ZNF101: variants seen among roughly 807,000 people sequenced by gnomAD.
ZNF101 encodes zinc finger protein 101.
Under a neutral mutation model 42.6 loss-of-function variants are expected in ZNF101, and 34 were observed. The observed-to-expected ratio is 0.80, with a 90% CI of 0.61 to 1.06. The LOEUF is 1.06. Among genes scored for constraint, ZNF101 ranks in the 50% least tolerant of loss-of-function variants. ZNF101 has a pLI of 0.00. For synonymous variants in ZNF101, 158 were observed against 183.9 expected (o/e 0.86, Z 1.14); for missense variants, 466 against 530.9 (o/e 0.88, Z 1.20).
At position 19,679,730 on chromosome 19, in the gene ZNF101, C is replaced by T. The variant is rs1426126897; in HGVS notation, c.741C>T (p.His247=). 3.1e-6 allele frequency: 5 copies of T among 1,614,002 alleles called. No homozygotes were observed. Among genetic ancestry groups the T allele is most frequent in the African/African-American group, 1.3e-5 (1 of 74,928 alleles). ...PSLFQIHVRT[H]TGEKPYKCKQ... is the part of the protein sequence containing the mutation. Reference sequence around the variant, plus strand: ...TATTTCAAATTCATGTTAGAACTCACACTGGAGAAAAACCTTACAAATGTA... The same window carrying T: ...TATTTCAAATTCATGTTAGAACTCATACTGGAGAAAAACCTTACAAATGTA... The change falls in exon 4 of 4, where the codon CAC becomes CAT. Residue 247 remains histidine (H), a synonymous_variant. Coordinates refer to ENST00000592502, the MANE Select transcript of ZNF101 (RefSeq NM_033204.4).
At chr19:19,672,686 C>T (rs2145046562) in intron 1 of ZNF101, among the ~76,000 whole-genome samples, 1 of 151,640 alleles carries the variant, frequency 6.6e-6, no homozygotes, top group Non-Finnish European at 1.5e-5. Flanking sequence ...CCACCACGCC[C>T]AGCCAATTTT....
intron 1 of ZNF101, among the ~76,000 whole-genome samples, chr19:19,669,810 T>C (rs2062157664): frequency 6.6e-6 from 1 of 152,138 alleles, no homozygotes; most frequent in South Asian, 2.1e-4. Flanking sequence ...TGTCATCTTT[T>C]CCAAGGAGCC....
In ZNF101 at chr19:19,671,479, T is replaced by A. The variant is rs568334459; in HGVS notation, c.3+2513T>A. On this transcript the variant is annotated intron_variant, in intron 1 of 3. Transcript: ENST00000592502. ...CCAGAGTTGCTGCCCGTAATATTAA[T>A]ACCATCACCTTAGGTGTTAGGATTT... Among the ~76,000 whole-genome samples the A allele has an allele frequency of 6.1e-4, 92 of 151,960 alleles. 3 individuals are homozygous for A. In the South Asian group the frequency reaches 0.019, roughly 32 times the overall value.
chr19:19,677,923 G>A lies in ZNF101; in HGVS notation c.63G>A (p.Leu21=). The change falls in exon 2 of 4, where the codon CTG becomes CTA. Residue 21 remains leucine (L), a synonymous_variant. Transcript: ENST00000592502. ...TCACCCAGGAGGAGTGGGCTTTGCT[G>A]AGTCCTTCCCAGAAGAATCTCTACA... ...VNFTQEEWAL[L]SPSQKNLYRD... is the part of the protein sequence containing the mutation. 6.2e-7 allele frequency: 1 copy of A among 1,612,816 alleles called. No homozygotes were observed.
chr19:19,673,248 CTTTTTT>C (rs34694853), intron 1 of ZNF101, among the ~76,000 whole-genome samples: 3 of 116,132 alleles, frequency 2.6e-5, no homozygotes, highest in Admixed American at 9.5e-5. Context: ...AATGTGCTGG[CTTTTTT>C]TTTTTTTTTT....
chr19:19,669,109 G>C (rs1303549710), intron 1 of ZNF101, 143 bp downstream of exon 1: 6 of 1,240,486 alleles, frequency 4.8e-6, no homozygotes, highest in Non-Finnish European at 6.5e-6. Context: ...GGTCCCCTCG[G>C]TCGCCGGGTG....
chr19:19,681,868 T>C lies in ZNF101; in HGVS notation c.*1568T>C, dbSNP rs1468185314. 2.6e-5 allele frequency: 4 copies of C among 152,066 alleles called. No individual in the cohort carries two copies. The highest frequency in any genetic ancestry group is 2.6e-4 in the Admixed American group (4 of 15,230). 9.4% of individuals were successfully genotyped at this position (152,066 alleles called of 1,614,324 possible). On this transcript the variant is annotated 3_prime_UTR_variant, in exon 4 of 4. Transcript: ENST00000592502. The stretch of plus-strand genomic sequence containing the variant: ...CAAAAACTTAATCATGAATGAGTTA[T>C]TACACAAAGTTATAAATATATAGCA...
intron 1 of ZNF101, 28 bp from the exon 2 acceptor site, chr19:19,677,836 C>A (rs549168615): frequency 6.2e-7 from 1 of 1,605,848 alleles, no homozygotes; most frequent in Admixed American, 1.7e-5. Flanking sequence ...TCTCACCCCT[C>A]CTCCTCCACA....
rs145713637 is a variant in ZNF101, at chr19:19,677,742, G to A, written c.4-122G>A. The A allele has an allele frequency of 4.6e-4, 649 of 1,409,628 alleles. 7 individuals carry two copies. In the African/African-American group the frequency reaches 8.0e-3, roughly 17 times the overall value. 87.3% of individuals were successfully genotyped at this position (1,409,628 alleles called of 1,614,324 possible). ...AAGTGCGTGTAGATAGGAGGAGGCC[G>A]ATGACTCAATCATGGAGTGAGTGTT... On this transcript the variant is annotated intron_variant, in intron 1 of 3. Transcript: ENST00000592502.
intron 2 of ZNF101, among the ~76,000 whole-genome samples, chr19:19,678,430 A>G (rs984234753): frequency 2.6e-5 from 4 of 151,982 alleles, no homozygotes; most frequent in Non-Finnish European, 5.9e-5. Context: ...AGCCTGGTCA[A>G]CATGGCGAAA....
chr19:19,668,404 C>T (rs1172537104), upstream of ZNF101, among the ~76,000 whole-genome samples: 1 of 152,048 alleles, frequency 6.6e-6, no homozygotes, highest in Non-Finnish European at 1.5e-5. Context: ...GTTGTGACCG[C>T]ATCCTGGAAC....
At position 19,679,485 on chromosome 19, in the gene ZNF101, A is replaced by G; in HGVS notation, c.496A>G (p.Lys166Glu). The change falls in exon 4 of 4, where the codon AAG becomes GAG. Residue 166 changes from lysine (K) to glutamate (E), a missense_variant. Coordinates refer to ENST00000592502, the MANE Select transcript of ZNF101 (RefSeq NM_033204.4). ...ACGGCGCACAGTAACACCAACTCGAAAGAGACCTTATGAATGCAAGGTGTG... is the reference window on the plus strand; with the variant it reads ...ACGGCGCACAGTAACACCAACTCGAGAGAGACCTTATGAATGCAAGGTGTG... ...GARRTVTPTR[K>E]RPYECKVCGK... is the part of the protein sequence containing the mutation. The G allele has an allele frequency of 1.2e-6, 2 of 1,614,140 alleles. No individual in the cohort carries two copies. The highest frequency in any genetic ancestry group is 2.2e-5 in the South Asian group (2 of 91,084).
At chr19:19,678,474 G>C (rs1302639012) in intron 2 of ZNF101, among the ~76,000 whole-genome samples, 1 of 151,974 alleles carries the variant, frequency 6.6e-6, no homozygotes, top group Non-Finnish European at 1.5e-5. Flanking sequence ...AATTAGCTGG[G>C]TGTGGTAGTG....
chr19:19,675,976 A>G (rs1283806742), intron 1 of ZNF101, among the ~76,000 whole-genome samples: 1 of 152,114 alleles, frequency 6.6e-6, no homozygotes, highest in African/African-American at 2.4e-5. Context: ...AGTCTGGACA[A>G]CAGAGTGAGA....
intron 1 of ZNF101, 110 bp from the exon 2 acceptor site, chr19:19,677,754 A>G: frequency 2.0e-6 from 3 of 1,476,332 alleles, no homozygotes; most frequent in Non-Finnish European, 2.7e-6. Flanking sequence ...TGACTCAATC[A>G]TGGAGTGAGT....
chr19:19,678,325 CAGA>C (rs1263727306), intron 2 of ZNF101, among the ~76,000 whole-genome samples: 8 of 151,420 alleles, frequency 5.3e-5, no homozygotes, highest in Non-Finnish European at 1.0e-4. Context: ...TTGAGAAATG[CAGA>C]AGTATTGCTG....
Position 19,678,639 on chromosome 19 carries a change from T to C in ZNF101, c.131-87T>C. 9.5e-6 allele frequency: 11 copies of C among 1,156,004 alleles called. No individual in the cohort carries two copies. In the East Asian group the frequency reaches 1.3e-4, roughly 14 times the overall value. 71.6% of individuals were successfully genotyped at this position (1,156,004 alleles called of 1,614,324 possible). A position where few individuals can be genotyped will look rare whatever the true frequency, so the allele number is the denominator to read the frequency against. ...CCAAAAAAAAAAAAAAATCAGGCAT[T>C]GTGGCAGTGTTTAATGAACTTAGAA... On this transcript the variant is annotated intron_variant, in intron 2 of 3. Coordinates refer to ENST00000592502, the MANE Select transcript of ZNF101 (RefSeq NM_033204.4).
chr19:19,673,783 T>A (rs912942764), intron 1 of ZNF101, among the ~76,000 whole-genome samples: 3 of 146,918 alleles, frequency 2.0e-5, no homozygotes, highest in Non-Finnish European at 4.5e-5. Flanking sequence ...TGAGGCTTTT[T>A]AAATTATTAT....
rs2062218479 is a variant in ZNF101 at position 19,678,763 on chromosome 19, C to T, written c.168C>T (p.Tyr56=). 1 of 1,611,776 alleles carries T rather than the reference C, an allele frequency of 6.2e-7. No homozygotes were observed. The highest frequency in any genetic ancestry group is 8.5e-7 in the Non-Finnish European group (1 of 1,179,328). The change falls in exon 3 of 4, where the codon TAC becomes TAT. Residue 56 remains tyrosine (Y), a synonymous_variant. Transcript: ENST00000592502. ...QWKDQDIENL[Y]QNLGIKLRSL... ...AAGACCAGGACATTGAGAATCTGTA[C>T]CAAAACCTGGGGATTAAGCTAAGGT... is the stretch of plus-strand genomic sequence containing the variant.
Sources: allele counts gnomAD v4.1 joint callset (sites outside exome capture counted in the v4.1 genomes callset), GRCh38; gene constraint gnomAD v4.1.1; transcripts MANE v1.5; gene names NCBI Gene and HGNC (gene_info 2026-07-23, HGNC 2026-07-21).